The following NCOA1 variants were observed in gnomAD, a reference collection of about 807,000 sequenced individuals.
The protein encoded by NCOA1 is nuclear receptor coactivator 1.
Under a neutral mutation model 150.9 loss-of-function variants are expected in NCOA1, and 35 were observed. The observed-to-expected ratio is 0.23, with a 90% CI of 0.18 to 0.31. The LOEUF (loss-of-function observed/expected upper bound fraction) is 0.31. Ranked by LOEUF, NCOA1 falls within the 10% of genes least tolerant of loss-of-function variation. The pLI, the probability that NCOA1 is intolerant of heterozygous loss-of-function variation, is 1.00. For synonymous variants in NCOA1, 590 were observed against 630.0 expected (o/e 0.94, Z 0.95); for missense variants, 1,491 against 1,749.3 (o/e 0.85, Z 2.63).
intron 21 of NCOA1, among the ~76,000 whole-genome samples, chr2:24,762,026 T>C (rs1664816306): frequency 6.6e-6 from 1 of 152,234 alleles, no homozygotes; most frequent in African/African-American, 2.4e-5. Context: ...GCAGATCTAT[T>C]CCAGAGCTCT....
intron 7 of NCOA1, 47 bp from the exon 8 acceptor site, chr2:24,682,899 TTTTTC>T (rs1672241914): frequency 5.4e-6 from 8 of 1,472,606 alleles, no homozygotes; most frequent in Admixed American, 2.5e-5. Flanking sequence ...TATAGTTTAA[TTTTTC>T]TTTTATCTTT....
chr2:24,507,435 G>GTTTTTTTT (rs10651704), intron 1 of NCOA1, among the ~76,000 whole-genome samples: 1 of 126,506 alleles, frequency 7.9e-6, no homozygotes, highest in Non-Finnish European at 1.6e-5. Context: ...GAGCTGCTGG[G>GTTTTTTTT]TTTTTTTTTT....
At chr2:24,601,965 A>G (rs1377446067) in intron 3 of NCOA1, among the ~76,000 whole-genome samples, 1 of 152,094 alleles carries the variant, frequency 6.6e-6, no homozygotes, top group Non-Finnish European at 1.5e-5. Context: ...GGAAGTCAGA[A>G]TACAAGAATT....
chr2:24,647,527 G>T lies in NCOA1; in HGVS notation c.-18+3405G>T, dbSNP rs756845625. Among the ~76,000 whole-genome samples the T allele has an allele frequency of 3.9e-5, 6 of 152,100 alleles. 1 individual carries two copies. Among genetic ancestry groups the T allele is most frequent in the Non-Finnish European group, 7.4e-5 (5 of 68,010 alleles). On this transcript the variant is annotated intron_variant, in intron 4 of 22. Transcript: ENST00000348332. The stretch of plus-strand genomic sequence containing the variant: ...CATGGTAAATCTTACATAAGTGTTA[G>T]TATTCATTATCATCATCATCAGAGC...
intron 1 of NCOA1, among the ~76,000 whole-genome samples, chr2:24,504,274 G>A (rs552347444): frequency 1.3e-5 from 2 of 152,312 alleles, no homozygotes; most frequent in South Asian, 2.1e-4. Context: ...TGATAAAAGC[G>A]TTTTTAGTTA....
chr2:24,502,388 T>C (rs1663502404), intron 1 of NCOA1, among the ~76,000 whole-genome samples: 1 of 152,328 alleles, frequency 6.6e-6, no homozygotes. Flanking sequence ...TTTTTTTTCT[T>C]TTGGGGCTTA....
rs183591030 is a variant in NCOA1, at chr2:24,585,249, A to G, written c.-175+689A>G. Among the ~76,000 whole-genome samples the G allele has an allele frequency of 5.9e-4, 90 of 152,288 alleles. 1 individual carries two copies. The highest frequency in any genetic ancestry group is 2.0e-3 in the African/African-American group (84 of 41,578). Reference sequence around the variant, plus strand: ...TTTAGAGTTCTCTATCCACTTATCCATTGGAGTCTTACCAATTTTTGTAGC... The same window carrying G: ...TTTAGAGTTCTCTATCCACTTATCCGTTGGAGTCTTACCAATTTTTGTAGC... On this transcript the variant is annotated intron_variant, in intron 3 of 22. Coordinates refer to ENST00000348332, the MANE Select transcript of NCOA1 (RefSeq NM_003743.5).
intron 1 of NCOA1, among the ~76,000 whole-genome samples, chr2:24,523,015 T>C (rs1664484045): frequency 1.3e-5 from 2 of 152,204 alleles, no homozygotes; most frequent in Non-Finnish European, 2.9e-5. Context: ...GGCATTATTC[T>C]AAATATTTTA....
Position 24,621,432 on chromosome 2 carries a change from ATTTTTTTTTTTT to A in NCOA1, c.-174-22512_-174-22501del, listed in dbSNP as rs1162282258. Among the ~76,000 whole-genome samples, 361 of 38,900 alleles carry A rather than the reference ATTTTTTTTTTTT, an allele frequency of 9.3e-3. 3 individuals are homozygous for A. The highest frequency in any genetic ancestry group is 0.04 in the African/African-American group (345 of 8,616). The allele number at this position is 38,900 out of a possible 152,430, so 25.5% of individuals were successfully genotyped here. On this transcript the variant is annotated intron_variant, in intron 3 of 22. Coordinates refer to ENST00000348332, the MANE Select transcript of NCOA1 (RefSeq NM_003743.5). ...TTGTGTTATGTGTGTATTCAGGCAG[ATTTTTTTTTTTT>A]TTTTTTTTTTTTTTTTTTTTTGAGA...
At chr2:24,536,651 T>C (rs1665157335) in intron 1 of NCOA1, among the ~76,000 whole-genome samples, 1 of 152,122 alleles carries the variant, frequency 6.6e-6, no homozygotes, top group Non-Finnish European at 1.5e-5. Context: ...GATGTCCTTT[T>C]TGTTGATGTT....
At chr2:24,662,571 A>T (rs1018363612) in intron 5 of NCOA1, among the ~76,000 whole-genome samples, 2 of 152,198 alleles carry the variant, frequency 1.3e-5, no homozygotes, top group Non-Finnish European at 2.9e-5. Context: ...CAAAATGATG[A>T]TAATAGATAA....
chr2:24,762,918 C>G (rs1157401891), intron 22 of NCOA1, 142 bp downstream of exon 22: 3 of 709,240 alleles, frequency 4.2e-6, no homozygotes, highest in East Asian at 5.3e-5. Flanking sequence ...CTGTGTCGTC[C>G]TGGGCATGTT....
At chr2:24,759,827 A>G (rs1664690669) in intron 21 of NCOA1, among the ~76,000 whole-genome samples, 1 of 152,014 alleles carries the variant, frequency 6.6e-6, no homozygotes, top group Non-Finnish European at 1.5e-5. Flanking sequence ...ATAGAACCTC[A>G]TTACAATTTA....
intron 7 of NCOA1, among the ~76,000 whole-genome samples, chr2:24,676,795 A>G (rs1671931020): frequency 6.6e-6 from 1 of 152,244 alleles, no homozygotes; most frequent in African/African-American, 2.4e-5. Flanking sequence ...AACTGATCTG[A>G]TAAAACTGAA....
chr2:24,584,086 T>C (rs1423643447), intron 2 of NCOA1, among the ~76,000 whole-genome samples: 1 of 152,162 alleles, frequency 6.6e-6, no homozygotes, highest in East Asian at 1.9e-4. Flanking sequence ...TTTAAGGTGA[T>C]TGATATGCCA....
At chr2:24,628,142 A>G (rs967788471) in intron 3 of NCOA1, among the ~76,000 whole-genome samples, 5 of 152,158 alleles carry the variant, frequency 3.3e-5, no homozygotes, top group African/African-American at 1.2e-4. Context: ...TCTACTAAAA[A>G]TACAAAAATT....
chr2:24,605,466 A>G (rs929946899), intron 3 of NCOA1, among the ~76,000 whole-genome samples: 1 of 152,168 alleles, frequency 6.6e-6, no homozygotes, highest in African/African-American at 2.4e-5. Flanking sequence ...CTATTCAGTT[A>G]AGGGTATGTG....
intron 2 of NCOA1, among the ~76,000 whole-genome samples, chr2:24,575,576 C>CTTTTTCT (rs1666919956): frequency 7.4e-6 from 1 of 135,666 alleles, no homozygotes; most frequent in African/African-American, 2.7e-5. Flanking sequence ...TTTTCTTTTT[C>CTTTTTCT]TTTTTTTTTT....
chr2:24,518,327 G>A (rs1664289113), intron 1 of NCOA1, among the ~76,000 whole-genome samples: 1 of 152,164 alleles, frequency 6.6e-6, no homozygotes, highest in African/African-American at 2.4e-5. Context: ...AGAAAAAAGA[G>A]GGCTTCCTTA....
Sources: allele counts gnomAD v4.1 joint callset (sites outside exome capture counted in the v4.1 genomes callset), GRCh38; gene constraint gnomAD v4.1.1; transcripts MANE v1.5; gene names NCBI Gene and HGNC (gene_info 2026-07-23, HGNC 2026-07-21).